Variants in ERBB4 observed in about 807,000 individuals in gnomAD.
ERBB4 encodes receptor tyrosine-protein kinase erbB-4.
A neutral mutation model predicts 158.0 loss-of-function variants in ERBB4; 42 were observed. The ratio of observed to expected loss-of-function variants is 0.27; its 90% CI spans 0.21 to 0.34. The LOEUF (loss-of-function observed/expected upper bound fraction) is 0.34. Ranked by LOEUF, ERBB4 falls within the 10% of genes least tolerant of loss-of-function variation. The probability of loss-of-function intolerance (pLI) is 1.00; values close to 1 mark genes in which losing one functional copy is unlikely to be tolerated. For synonymous variants in ERBB4, 583 were observed against 558.7 expected (o/e 1.04, Z -0.61); for missense variants, 1,333 against 1,624.1 (o/e 0.82, Z 3.08).
At chr2:211,556,864 T>C (rs982676664) in intron 20 of ERBB4, among the ~76,000 whole-genome samples, 3 of 152,108 alleles carry the variant, frequency 2.0e-5, no homozygotes, top group Non-Finnish European at 2.9e-5. Flanking sequence ...CAAGCTATAC[T>C]ACAGGGCTAT....
intron 19 of ERBB4, among the ~76,000 whole-genome samples, chr2:211,614,745 A>C (rs1015077897): frequency 6.6e-6 from 1 of 152,114 alleles, no homozygotes; most frequent in South Asian, 2.1e-4. Context: ...TATTCATTTC[A>C]CTTGATTAAT....
intron 7 of ERBB4, among the ~76,000 whole-genome samples, chr2:211,716,199 C>G (rs535692113): frequency 1.3e-5 from 2 of 151,068 alleles, no homozygotes; most frequent in East Asian, 3.9e-4. Flanking sequence ...CCTGTCTCTA[C>G]TAAAAATACA....
intron 20 of ERBB4, among the ~76,000 whole-genome samples, chr2:211,443,890 T>A (rs2064047225): frequency 6.6e-6 from 1 of 152,118 alleles, no homozygotes; most frequent in Admixed American, 6.6e-5. Flanking sequence ...GATAGTATTA[T>A]GTCCTTTGTC....
chr2:212,263,421 G>A (rs114414222), intron 1 of ERBB4, among the ~76,000 whole-genome samples: 3,730 of 152,044 alleles, frequency 0.025, 152 homozygotes, highest in African/African-American at 0.086. Flanking sequence ...TTTTATATGC[G>A]TGCCTAAAAA....
intron 1 of ERBB4, among the ~76,000 whole-genome samples, chr2:212,368,885 C>T (rs1485393320): frequency 6.6e-6 from 1 of 152,050 alleles, no homozygotes; most frequent in African/African-American, 2.4e-5. Flanking sequence ...ACCGTAGGTC[C>T]CTACTACTAC....
chr2:211,416,932 C>CTCTT (rs1412368688), intron 25 of ERBB4, among the ~76,000 whole-genome samples: 1 of 151,488 alleles, frequency 6.6e-6, no homozygotes, highest in Admixed American at 6.6e-5. Flanking sequence ...TGAATAAATA[C>CTCTT]TCTTTGCTTT....
In ERBB4 at chr2:211,705,364, T is replaced by C; in HGVS notation, c.1152A>G (p.Ile384Met). 1 of 1,613,228 alleles carries C rather than the reference T, an allele frequency of 6.2e-7. No homozygotes were observed. Residue 384 changes from isoleucine (I) to methionine (M), a missense_variant, in exon 10 of 28, where the codon ATA (isoleucine) becomes ATG (methionine). Coordinates refer to ENST00000342788, the MANE Select transcript of ERBB4 (RefSeq NM_005235.3). ...HGDPYNAIEAIDPEKLNVFRT... is the reference protein window; with the variant it reads ...HGDPYNAIEAMDPEKLNVFRT... Reference sequence around the variant, plus strand: ...GAAAGACGTTCAGTTTCTCTGGGTCTATGGCTTCAATTGCATTGTAAGGGT... The same window carrying C: ...GAAAGACGTTCAGTTTCTCTGGGTCCATGGCTTCAATTGCATTGTAAGGGT...
chr2:211,793,936 T>C (rs893827807), intron 3 of ERBB4, among the ~76,000 whole-genome samples: 2 of 151,880 alleles, frequency 1.3e-5, no homozygotes, highest in African/African-American at 4.8e-5. Context: ...AAAATTGAAA[T>C]GTCACGTTTG....
chr2:211,785,113 T>A (rs1398785135), intron 4 of ERBB4, among the ~76,000 whole-genome samples: 1 of 150,292 alleles, frequency 6.7e-6, no homozygotes, highest in Non-Finnish European at 1.5e-5. Flanking sequence ...TTTTTTTTTT[T>A]ATTTTTTGAG....
At chr2:212,230,656 C>T (rs536320661) in intron 1 of ERBB4, among the ~76,000 whole-genome samples, 4 of 152,272 alleles carry the variant, frequency 2.6e-5, no homozygotes, top group African/African-American at 4.8e-5. Flanking sequence ...GTTTTCTGAA[C>T]ATATATTTTA....
At chr2:211,819,924 C>G (rs1005113505) in intron 3 of ERBB4, among the ~76,000 whole-genome samples, 2 of 151,718 alleles carry the variant, frequency 1.3e-5, no homozygotes, top group African/African-American at 4.8e-5. Flanking sequence ...ATAATAAGTT[C>G]CATGCATCAC....
At chr2:211,630,260 C>G (rs1166359701) in intron 17 of ERBB4, among the ~76,000 whole-genome samples, 1 of 152,180 alleles carries the variant, frequency 6.6e-6, no homozygotes, top group Non-Finnish European at 1.5e-5. Flanking sequence ...CTTGACCACT[C>G]CCATCTACCC....
chr2:211,809,862 A>T (rs527949385), intron 3 of ERBB4, among the ~76,000 whole-genome samples: 202 of 152,240 alleles, frequency 1.3e-3, no homozygotes, highest in African/African-American at 4.7e-3. Context: ...CTGCTTTAAA[A>T]GTGTCCCAGA....
chr2:211,881,217 G>C (rs148287630), intron 3 of ERBB4, among the ~76,000 whole-genome samples: 50 of 152,232 alleles, frequency 3.3e-4, no homozygotes, highest in Admixed American at 2.1e-3. Flanking sequence ...AAGTGGTCTC[G>C]GCCAAAGCAA....
At position 211,393,740 on chromosome 2, in the gene ERBB4, C is replaced by CATGTGT. The variant is rs1391184856; in HGVS notation, c.3136-5749_3136-5748insACACAT. ...AACTTTGAGTATTAAGAGTTAATAG[C>CATGTGT]GTGTGTGTGTGTGTGTGTGTGTGTG... is the stretch of plus-strand genomic sequence containing the variant. On this transcript the variant is annotated intron_variant, in intron 25 of 27. Coordinates refer to ENST00000342788, the MANE Select transcript of ERBB4 (RefSeq NM_005235.3). 5.5e-4 allele frequency among the ~76,000 whole-genome samples: 81 copies of CATGTGT among 146,350 alleles called. 1 individual carries two copies. Among genetic ancestry groups the CATGTGT allele is most frequent in the Non-Finnish European group, 8.5e-4 (56 of 66,054 alleles).
chr2:211,629,441 G>C (rs4605309), intron 17 of ERBB4, among the ~76,000 whole-genome samples: 21,434 of 152,076 alleles, frequency 0.14, 1,804 homozygotes, highest in African/African-American at 0.24. Context: ...TGGGTAGGAA[G>C]AATCAATATC....
At chr2:212,397,872 T>G (rs1419501784) in intron 1 of ERBB4, among the ~76,000 whole-genome samples, 1 of 152,132 alleles carries the variant, frequency 6.6e-6, no homozygotes, top group African/African-American at 2.4e-5. Context: ...ATTTTAATAT[T>G]GTTTATAATA....
chr2:212,144,024 A>T (rs2080578934), intron 1 of ERBB4, among the ~76,000 whole-genome samples: 1 of 152,064 alleles, frequency 6.6e-6, no homozygotes, highest in African/African-American at 2.4e-5. Context: ...ATCTCAAAAA[A>T]AAAAAAAGAA....
intron 1 of ERBB4, among the ~76,000 whole-genome samples, chr2:212,315,052 A>G (rs992858836): frequency 6.6e-6 from 1 of 151,348 alleles, no homozygotes; most frequent in Non-Finnish European, 1.5e-5. Context: ...AGGAGCTTTG[A>G]GCATTATTAC....
Sources: gnomAD v4.1 joint callset for allele counts (sites outside exome capture counted in the v4.1 genomes callset) on GRCh38, gnomAD v4.1.1 for gene constraint, MANE v1.5 for transcripts, NCBI Gene and HGNC (gene_info 2026-07-23, HGNC 2026-07-21) for gene names.